Variants in CSMD1 observed in about 807,000 individuals in gnomAD.
CSMD1 encodes the protein CUB and Sushi multiple domains 1, also known as CUB and sushi domain-containing protein 1.
CSMD1 carries 213 observed loss-of-function variants against 417.5 expected under a neutral mutation model. The ratio of observed to expected loss-of-function variants is 0.51; its 90% CI spans 0.46 to 0.57. The LOEUF (loss-of-function observed/expected upper bound fraction) is 0.57. Ranked by LOEUF, CSMD1 falls within the 20% of genes least tolerant of loss-of-function variation. The pLI is 0.00. For missense variants in CSMD1, 6,923 were observed against 4,529.7 expected, an observed-to-expected ratio of 1.53 and a Z score of -15.17; for synonymous variants, 2,862 against 1,736.8, an observed-to-expected ratio of 1.65 and a Z score of -16.11.
chr8:3,358,482 T>C (rs1808943336), intron 21 of CSMD1, among the ~76,000 whole-genome samples: 1 of 152,170 alleles, frequency 6.6e-6, no homozygotes, highest in African/African-American at 2.4e-5. Context: ...CTAAACTTCT[T>C]AGAGTGGCAC....
At chr8:4,133,068 T>C (rs1175747567) in intron 3 of CSMD1, among the ~76,000 whole-genome samples, 2 of 152,142 alleles carry the variant, frequency 1.3e-5, no homozygotes, top group Non-Finnish European at 2.9e-5. Flanking sequence ...CTTGAGTAGT[T>C]GGGACTACAG....
chr8:3,499,724 G>C (rs779362561), intron 10 of CSMD1, among the ~76,000 whole-genome samples: 1 of 151,972 alleles, frequency 6.6e-6, no homozygotes, highest in Non-Finnish European at 1.5e-5. Flanking sequence ...CTGGGTTCAG[G>C]TTTGTGTCAC....
intron 1 of CSMD1, among the ~76,000 whole-genome samples, chr8:4,710,141 G>C (rs576096905): frequency 6.6e-6 from 1 of 151,926 alleles, no homozygotes; most frequent in Non-Finnish European, 1.5e-5. Flanking sequence ...TTATTCTAAG[G>C]GGGGATTAAT....
At chr8:4,462,013 T>C (rs1799866085) in intron 2 of CSMD1, among the ~76,000 whole-genome samples, 2 of 152,062 alleles carry the variant, frequency 1.3e-5, no homozygotes, top group Non-Finnish European at 2.9e-5. Context: ...ATTGCTGGGA[T>C]TACAGGCTGA....
chr8:4,234,162 T>A (rs1313200987), intron 3 of CSMD1, among the ~76,000 whole-genome samples: 2 of 152,150 alleles, frequency 1.3e-5, no homozygotes, highest in Admixed American at 6.6e-5. Context: ...GAGCACAGAT[T>A]CCCAGGAGTT....
At chr8:4,111,193 A>G (rs1400723587) in intron 3 of CSMD1, among the ~76,000 whole-genome samples, 3 of 152,010 alleles carry the variant, frequency 2.0e-5, no homozygotes, top group Non-Finnish European at 4.4e-5. Flanking sequence ...ATTTTTGTTG[A>G]TATTTGTGTT....
At chr8:4,087,263 C>G (rs1199779945) in intron 3 of CSMD1, among the ~76,000 whole-genome samples, 3 of 152,190 alleles carry the variant, frequency 2.0e-5, no homozygotes, top group Non-Finnish European at 4.4e-5. Context: ...TTTCACAGTT[C>G]AACTTCTCTT....
chr8:3,924,144 G>A (rs2954611), intron 5 of CSMD1, among the ~76,000 whole-genome samples: 1 of 151,988 alleles, frequency 6.6e-6, no homozygotes, highest in Non-Finnish European at 1.5e-5. Context: ...ATTTATGAAG[G>A]ACAGTTTCTC....
chr8:3,308,168 G>A (rs62504428), intron 24 of CSMD1, 144 bp downstream of exon 24: 90,971 of 662,244 alleles, frequency 0.14, 7,050 homozygotes, highest in African/African-American at 0.21. Context: ...TCACAGACAC[G>A]TGCAAATCTC....
chr8:4,344,893 T>C (rs1225755372), intron 3 of CSMD1, among the ~76,000 whole-genome samples: 1 of 152,136 alleles, frequency 6.6e-6, no homozygotes, highest in Non-Finnish European at 1.5e-5. Context: ...AAATACGTCA[T>C]GGACAAGAAC....
chr8:3,405,547 T>C (rs906268239), intron 15 of CSMD1, among the ~76,000 whole-genome samples: 2 of 152,210 alleles, frequency 1.3e-5, no homozygotes, highest in African/African-American at 4.8e-5. Context: ...GCGCCTCAGA[T>C]GGTGACTGTA....
At chr8:4,498,554 C>G (rs993953684) in intron 2 of CSMD1, among the ~76,000 whole-genome samples, 14 of 152,082 alleles carry the variant, frequency 9.2e-5, no homozygotes, top group African/African-American at 3.4e-4. Flanking sequence ...AATGTCCAGA[C>G]TCGTACTGAA....
intron 10 of CSMD1, among the ~76,000 whole-genome samples, chr8:3,558,886 T>C (rs777327637): frequency 1.3e-5 from 2 of 152,144 alleles, no homozygotes; most frequent in Non-Finnish European, 2.9e-5. Flanking sequence ...CTGTAGTTGC[T>C]CAAGGTGTCT....
intron 2 of CSMD1, among the ~76,000 whole-genome samples, chr8:4,616,788 A>T (rs1382273807): frequency 6.6e-6 from 1 of 152,200 alleles, no homozygotes; most frequent in African/African-American, 2.4e-5. Context: ...CCTTATTTGT[A>T]GAATCCAGAG....
At chr8:4,297,036 T>G (rs2128870918) in intron 3 of CSMD1, among the ~76,000 whole-genome samples, 1 of 152,200 alleles carries the variant, frequency 6.6e-6, no homozygotes, top group African/African-American at 2.4e-5. Context: ...TAATGCTACA[T>G]TTTTACGCCA....
intron 41 of CSMD1, chr8:3,128,795 G>T: frequency 4.7e-6 from 2 of 429,828 alleles, no homozygotes; most frequent in Admixed American, 2.9e-5. Context: ...ATGTTGTTTC[G>T]AGTTTTTGTT....
At chr8:3,238,932 G>T (rs1799320956) in intron 26 of CSMD1, among the ~76,000 whole-genome samples, 1 of 152,160 alleles carries the variant, frequency 6.6e-6, no homozygotes, top group Non-Finnish European at 1.5e-5. Context: ...TGAGAATGGT[G>T]AATAGGAGTA....
At chr8:4,154,470 A>C (rs917815062) in intron 3 of CSMD1, among the ~76,000 whole-genome samples, 1 of 152,156 alleles carries the variant, frequency 6.6e-6, no homozygotes, top group Non-Finnish European at 1.5e-5. Context: ...TATCTGTGGA[A>C]GGAGAATGGT....
chr8:4,793,472 C>G (rs1000205370), intron 1 of CSMD1, among the ~76,000 whole-genome samples: 1 of 152,058 alleles, frequency 6.6e-6, no homozygotes, highest in African/African-American at 2.4e-5. Flanking sequence ...CCTCTCTCCT[C>G]CCCACCATCT....
Sources: allele counts gnomAD v4.1 joint callset (sites outside exome capture counted in the v4.1 genomes callset), GRCh38; gene constraint gnomAD v4.1.1; transcripts MANE v1.5; gene names NCBI Gene and HGNC (gene_info 2026-07-23, HGNC 2026-07-21).